SNX18: variants seen among roughly 807,000 people sequenced by gnomAD.
SNX18 encodes sorting nexin-18.
In SNX18, 35 loss-of-function variants were observed where a neutral mutation model predicts 48.7. That is an observed-to-expected ratio of 0.72 (90% CI 0.55 to 0.95). SNX18 has a LOEUF of 0.95. Among genes scored for constraint, SNX18 ranks in the 40% least tolerant of loss-of-function variants. SNX18 has a pLI of 0.00. For synonymous variants in SNX18, 492 were observed against 384.7 expected, an observed-to-expected ratio of 1.28 and a Z score of -3.26; for missense variants, 824 against 871.0, an observed-to-expected ratio of 0.95 and a Z score of 0.68.
At chr5:54,646,178 A>C in the SNX18 span, among the ~76,000 whole-genome samples, 1 of 152,084 alleles carries the variant, frequency 6.6e-6, no homozygotes, top group Non-Finnish European at 1.5e-5. Flanking sequence ...TTTTTCTCCT[A>C]CTTTTTATGG....
chr5:54,535,589 A>G (rs897096529), intron 1 of SNX18, among the ~76,000 whole-genome samples: 18 of 152,132 alleles, frequency 1.2e-4, no homozygotes, highest in Non-Finnish European at 2.4e-4. Flanking sequence ...TGTGCCCACA[A>G]AGAGGGTAAT....
the SNX18 span, among the ~76,000 whole-genome samples, chr5:54,619,207 G>A: frequency 6.6e-6 from 1 of 152,004 alleles, no homozygotes; most frequent in African/African-American, 2.4e-5. Flanking sequence ...GATGACAGAT[G>A]GTGCATTAAA....
chr5:54,629,546 C>T, the SNX18 span, among the ~76,000 whole-genome samples: 3 of 152,000 alleles, frequency 2.0e-5, no homozygotes. Context: ...TTTCTGACCC[C>T]TGTTTGAAGC....
the SNX18 span, among the ~76,000 whole-genome samples, chr5:54,582,727 G>T: frequency 6.6e-6 from 1 of 152,274 alleles, no homozygotes; most frequent in East Asian, 1.9e-4. Context: ...AAGAATTCAA[G>T]GCTGCAGTGA....
the SNX18 span, among the ~76,000 whole-genome samples, chr5:54,561,504 A>ATTTTTTTTTTTTTTTTTTTTTTTT: frequency 7.5e-5 from 10 of 133,004 alleles, no homozygotes; most frequent in African/African-American, 2.9e-4. Flanking sequence ...CGCCCAGCTA[A>ATTTTTTTTTTTTTTTTTTTTTTTT]TTTTTTTTTT....
chr5:54,519,979 A>G, intron 1 of SNX18: 1 of 679,204 alleles, frequency 1.5e-6, no homozygotes, highest in Middle Eastern at 4.2e-4. Flanking sequence ...AAGTGAGGAA[A>G]TAATGGAGAA....
At chr5:54,645,628 C>T in the SNX18 span, 1 of 152,206 alleles carries the variant, frequency 6.6e-6, no homozygotes, top group Non-Finnish European at 1.5e-5. Flanking sequence ...ACACAGGTTA[C>T]AACACGAATG....
chr5:54,604,716 A>AT, the SNX18 span, among the ~76,000 whole-genome samples: 1 of 152,214 alleles, frequency 6.6e-6, no homozygotes, highest in East Asian at 1.9e-4. Flanking sequence ...AACATTGTAA[A>AT]TATGCTTAAT....
chr5:54,518,547 T>A lies in SNX18; in HGVS notation c.595T>A (p.Ser199Thr), dbSNP rs1372169705. 1.3e-6 allele frequency: 2 copies of A among 1,585,958 alleles called. No individual in the cohort carries two copies. Among genetic ancestry groups the A allele is most frequent in the Non-Finnish European group, 8.6e-7 (1 of 1,167,084 alleles). Residue 199 changes from serine to threonine, a missense_variant, in exon 1 of 2, where the codon TCC (serine) becomes ACC (threonine). Physicochemically the swap from Ser to Thr is moderately conservative, Grantham distance 58. Coordinates refer to ENST00000381410, the MANE Select transcript of SNX18 (RefSeq NM_001102575.2). ...AAGRYRLSTR[S>T]DLSLGSRGGS... Reference sequence around the variant, plus strand: ...CGGCCGCTACCGCCTGTCCACGCGCTCCGACCTGTCCCTGGGTTCCCGCGG... The same window carrying A: ...CGGCCGCTACCGCCTGTCCACGCGCACCGACCTGTCCCTGGGTTCCCGCGG...
At chr5:54,589,205 C>T in the SNX18 span, among the ~76,000 whole-genome samples, 2 of 152,096 alleles carry the variant, frequency 1.3e-5, no homozygotes, top group Non-Finnish European at 2.9e-5. Flanking sequence ...AGTTGCATCC[C>T]TTTTCCTCTC....
At position 54,518,587 on chromosome 5, in the gene SNX18, C is replaced by T. The variant is rs777012786; in HGVS notation, c.635C>T (p.Pro212Leu). ...GGTTCCCGCGGCGGCTCGGTCCCCC[C>T]GCAGCACCACCCGTCGGGGCCCAAG... ...SLGSRGGSVP[P>L]QHHPSGPKSS... The change falls in exon 1 of 2, where the codon CCG (proline) becomes CTG (leucine). Residue 212 changes from proline to leucine, a missense_variant. Pro to Leu is a moderately conservative substitution (Grantham distance 98). Coordinates refer to ENST00000381410, the MANE Select transcript of SNX18 (RefSeq NM_001102575.2). 3.2e-6 allele frequency: 5 copies of T among 1,581,270 alleles called. No homozygotes were observed. The African/African-American group carries it at 4.0e-5, about 13-fold the overall frequency.
chr5:54,627,422 GT>G, the SNX18 span, among the ~76,000 whole-genome samples: 1 of 152,032 alleles, frequency 6.6e-6, no homozygotes, highest in South Asian at 2.1e-4. Flanking sequence ...ATGGAAACAT[GT>G]TATTTCATTT....
At chr5:54,520,897 G>C (rs1193535165) in intron 1 of SNX18, 2 of 167,108 alleles carry the variant, frequency 1.2e-5, no homozygotes, top group Non-Finnish European at 2.9e-5. Flanking sequence ...TTAGTAGACA[G>C]TAGTAACTTT....
chr5:54,612,769 C>T, the SNX18 span, among the ~76,000 whole-genome samples: 4 of 152,304 alleles, frequency 2.6e-5, no homozygotes, highest in South Asian at 8.3e-4. Flanking sequence ...GTCTCTATTA[C>T]AGTCTTCGCC....
chr5:54,630,557 G>C, the SNX18 span, among the ~76,000 whole-genome samples: 1 of 152,134 alleles, frequency 6.6e-6, no homozygotes, highest in East Asian at 1.9e-4. Flanking sequence ...ATGGAAGCCA[G>C]GTGTCATGGC....
intron 1 of SNX18, among the ~76,000 whole-genome samples, chr5:54,539,909 T>C (rs2111593016): frequency 6.6e-6 from 1 of 152,260 alleles, no homozygotes; most frequent in South Asian, 2.1e-4. Flanking sequence ...TTCGCTCTTG[T>C]TGCCCGGGCT....
chr5:54,646,854 A>C, the SNX18 span, among the ~76,000 whole-genome samples: 2 of 152,244 alleles, frequency 1.3e-5, no homozygotes, highest in African/African-American at 4.8e-5. Context: ...AAATCAAAAC[A>C]CAGGGTGAAA....
the SNX18 span, among the ~76,000 whole-genome samples, chr5:54,590,170 C>T: frequency 1.3e-5 from 2 of 152,182 alleles, no homozygotes; most frequent in Admixed American, 1.3e-4. Context: ...TGACTTCTTC[C>T]AATATGTTTC....
chr5:54,604,096 G>A, the SNX18 span, among the ~76,000 whole-genome samples: 13 of 152,310 alleles, frequency 8.5e-5, no homozygotes, highest in South Asian at 2.3e-3. Context: ...CCCTGCTCTC[G>A]TGAAGGTTTC....
Sources: gnomAD v4.1 joint callset for allele counts (sites outside exome capture counted in the v4.1 genomes callset) on GRCh38, gnomAD v4.1.1 for gene constraint, MANE v1.5 for transcripts, NCBI Gene and HGNC (gene_info 2026-07-23, HGNC 2026-07-21) for gene names.